The following SKI variants were observed in gnomAD, a reference collection of about 807,000 sequenced individuals.
SKI encodes SKI proto-oncogene.
In SKI, 23 loss-of-function variants were observed where a neutral mutation model predicts 59.3. The observed-to-expected ratio is 0.39, with a 90% CI of 0.28 to 0.55. The LOEUF is 0.55. Ranked by LOEUF, SKI falls within the 20% of genes least tolerant of loss-of-function variation. The pLI is 0.67. For missense variants in SKI, 1,017 were observed against 1,038.9 expected (o/e 0.98, Z 0.29); for synonymous variants, 673 against 488.6 (o/e 1.38, Z -4.98).
At chr1:2,253,129 A>C (rs1639198323) in intron 1 of SKI, among the ~76,000 whole-genome samples, 2 of 150,118 alleles carry the variant, frequency 1.3e-5, no homozygotes, top group Admixed American at 1.3e-4. Context: ...GCTAAATTGG[A>C]GTAAATATTT....
intron 1 of SKI, among the ~76,000 whole-genome samples, chr1:2,300,664 T>C (rs1640402012): frequency 6.6e-6 from 1 of 152,200 alleles, no homozygotes; most frequent in East Asian, 1.9e-4. Context: ...TACACGTTTC[T>C]CTCCGTTTCT....
intron 1 of SKI, chr1:2,240,672 GCTCT>G (rs1638851272): frequency 1.4e-5 from 14 of 985,472 alleles, no homozygotes; most frequent in Non-Finnish European, 1.6e-5. Context: ...TCGAAGTGAA[GCTCT>G]CTCTACTTGT....
At chr1:2,253,199 C>T (rs76154380) in intron 1 of SKI, among the ~76,000 whole-genome samples, 12 of 152,162 alleles carry the variant, frequency 7.9e-5, no homozygotes, top group Non-Finnish European at 1.6e-4. Context: ...CCGCCTGCAG[C>T]GCAGCCTCCC....
chr1:2,303,428 C>G lies in SKI; in HGVS notation c.1211+28C>G, dbSNP rs748394742. 2.0e-5 allele frequency: 31 copies of G among 1,583,796 alleles called. No homozygotes were observed. Among genetic ancestry groups the G allele is most frequent in the Middle Eastern group, 3.3e-4 (2 of 6,006 alleles). ...GAGTGGGCGCCATTCACAGGTGTTT[C>G]TGATCACGGGGGAGGCTCCACGAGG... is the stretch of plus-strand genomic sequence containing the variant. On this transcript the variant is annotated intron_variant, in intron 3 of 6. Transcript: ENST00000378536. The surrounding 1 kb of genome is among the most constrained non-coding windows in gnomAD (Gnocchi z 5.6).
intron 1 of SKI, among the ~76,000 whole-genome samples, chr1:2,301,180 A>G (rs1385667988): frequency 6.6e-6 from 1 of 152,046 alleles, no homozygotes; most frequent in African/African-American, 2.4e-5. Flanking sequence ...ATGATTCCGG[A>G]AGGGGCTCTG....
intron 1 of SKI, among the ~76,000 whole-genome samples, chr1:2,277,037 G>A (rs1328371002): frequency 6.6e-6 from 1 of 152,192 alleles, no homozygotes; most frequent in Non-Finnish European, 1.5e-5. Flanking sequence ...TGCTTCCATG[G>A]AGCTGGGATT....
chr1:2,237,310 T>A (rs191910432), intron 1 of SKI, among the ~76,000 whole-genome samples: 25 of 152,302 alleles, frequency 1.6e-4, no homozygotes, highest in Non-Finnish European at 1.8e-4. Context: ...CCTGTGTGTA[T>A]CTGGAGTGGC....
chr1:2,293,543 G>A (rs1360269722), intron 1 of SKI, among the ~76,000 whole-genome samples: 1 of 152,018 alleles, frequency 6.6e-6, no homozygotes, highest in Non-Finnish European at 1.5e-5. Context: ...TCTCTGGACT[G>A]CGTTTGGATG....
chr1:2,305,370 G>C (rs570385996), intron 5 of SKI, among the ~76,000 whole-genome samples: 1 of 152,270 alleles, frequency 6.6e-6, no homozygotes, highest in African/African-American at 2.4e-5. Flanking sequence ...CAGCTTCCGC[G>C]GCGTGGGCTT....
intron 1 of SKI, among the ~76,000 whole-genome samples, chr1:2,247,740 G>T (rs529587526): frequency 9.6e-4 from 146 of 152,338 alleles, no homozygotes; most frequent in African/African-American, 3.4e-3. Context: ...CTGGCATCAG[G>T]ACTTGCTCTT....
At chr1:2,302,674 C>A (rs1182612317) in intron 1 of SKI, among the ~76,000 whole-genome samples, 1 of 152,118 alleles carries the variant, frequency 6.6e-6, no homozygotes. Context: ...GTGCTCCATC[C>A]CAAACCTGCT....
At chr1:2,252,430 G>A (rs1235853685) in intron 1 of SKI, among the ~76,000 whole-genome samples, 2 of 152,154 alleles carry the variant, frequency 1.3e-5, no homozygotes, top group Admixed American at 6.5e-5. Context: ...GCTTGGTCCC[G>A]GGTCCCACCT....
At position 2,303,420 on chromosome 1, in the gene SKI, A is replaced by G. The variant is rs1295584430; in HGVS notation, c.1211+20A>G. On this transcript the variant is annotated intron_variant, in intron 3 of 6. Coordinates refer to ENST00000378536, the MANE Select transcript of SKI (RefSeq NM_003036.4). This position sits in a 1 kb window ranked among gnomAD's most constrained non-coding sequence, Gnocchi z 5.6. ...AGACAGGTGAGTGGGCGCCATTCAC[A>G]GGTGTTTCTGATCACGGGGGAGGCT... 3 of 1,589,690 alleles carry G rather than the reference A, an allele frequency of 1.9e-6. No homozygotes were observed. The highest frequency in any genetic ancestry group is 2.7e-5 in the African/African-American group (2 of 74,366).
In SKI at chr1:2,306,197, G is replaced by T; in HGVS notation, c.1945G>T (p.Val649Leu). 6.3e-7 allele frequency: 1 copy of T among 1,583,402 alleles called. No homozygotes were observed. Among genetic ancestry groups the T allele is most frequent in the Middle Eastern group, 1.7e-4 (1 of 6,010 alleles). ...GCTGGAGCAGGCGCGGCAGGCCCGG[G>T]TGTGCGACAAGGGCTGCGAGGCGGG... ...RELEQARQAR[V>L]CDKGCEAGRL... The change falls in exon 6 of 7, where the codon GTG becomes TTG. Residue 649 changes from valine to leucine, a missense_variant. By Grantham distance (32) the Val-to-Leu change is conservative. Transcript: ENST00000378536.
intron 1 of SKI, among the ~76,000 whole-genome samples, chr1:2,237,640 C>T (rs10910032): frequency 0.2 from 30,416 of 152,160 alleles, 4,089 homozygotes; most frequent in East Asian, 0.63. Flanking sequence ...CTTTCTCTGC[C>T]GGGAAAGTAA....
At chr1:2,291,601 C>T (rs572253314) in intron 1 of SKI, among the ~76,000 whole-genome samples, 9 of 112,902 alleles carry the variant, frequency 8.0e-5, no homozygotes, top group Non-Finnish European at 2.0e-4. Context: ...GAAGCTGGGC[C>T]CTCCCCCACC....
At chr1:2,288,490 A>G (rs1640093050) in intron 1 of SKI, among the ~76,000 whole-genome samples, 1 of 152,244 alleles carries the variant, frequency 6.6e-6, no homozygotes, top group African/African-American at 2.4e-5. Context: ...AGGAGTGAGA[A>G]CACGATTGGT....
chr1:2,290,565 A>T (rs1640138857), intron 1 of SKI, among the ~76,000 whole-genome samples: 1 of 151,642 alleles, frequency 6.6e-6, no homozygotes, highest in Non-Finnish European at 1.5e-5. Context: ...AGAGCTTCTG[A>T]CCTCATCAGG....
chr1:2,300,453 C>T (rs1446083797), intron 1 of SKI, among the ~76,000 whole-genome samples: 1 of 152,206 alleles, frequency 6.6e-6, no homozygotes, highest in Non-Finnish European at 1.5e-5. Flanking sequence ...TAAGACTCAG[C>T]CGTCTGTCAC....
Sources: gnomAD v4.1 joint callset for allele counts (sites outside exome capture counted in the v4.1 genomes callset) on GRCh38, gnomAD v4.1.1 for gene constraint, Gnocchi (gnomAD v3.1) non-coding constraint, MANE v1.5 for transcripts, NCBI Gene and HGNC (gene_info 2026-07-23, HGNC 2026-07-21) for gene names.